The following STXBP5L variants were observed in gnomAD, a reference collection of about 807,000 sequenced individuals.
The protein encoded by STXBP5L is syntaxin binding protein 5L.
Under a neutral mutation model 144.5 loss-of-function variants are expected in STXBP5L, and 65 were observed. The ratio of observed to expected loss-of-function variants is 0.45; its 90% CI spans 0.37 to 0.55. STXBP5L has a LOEUF of 0.55. STXBP5L is among the 20% of genes least tolerant of loss of function. STXBP5L has a pLI of 0.00. For synonymous variants in STXBP5L, 505 were observed against 469.6 expected (o/e 1.08, Z -0.97); for missense variants, 1,298 against 1,405.5 (o/e 0.92, Z 1.22).
intron 14 of STXBP5L, among the ~76,000 whole-genome samples, chr3:121,243,894 C>T (rs776149380): frequency 7.9e-5 from 12 of 152,054 alleles, no homozygotes; most frequent in South Asian, 2.1e-4. Flanking sequence ...TTATTTTTTC[C>T]GAAATAGACT....
At chr3:121,299,381 T>C (rs906448211) in intron 19 of STXBP5L, among the ~76,000 whole-genome samples, 65 of 152,144 alleles carry the variant, frequency 4.3e-4, no homozygotes, top group Non-Finnish European at 1.2e-4. Flanking sequence ...TTTAAACATC[T>C]TTATGGAAGT....
chr3:120,964,513 C>G (rs1255001100), intron 3 of STXBP5L, among the ~76,000 whole-genome samples: 1 of 152,106 alleles, frequency 6.6e-6, no homozygotes, highest in East Asian at 1.9e-4. Flanking sequence ...TTATTTCTGC[C>G]TTCATTTCGT....
At chr3:121,276,438 A>G (rs1444698251) in intron 18 of STXBP5L, among the ~76,000 whole-genome samples, 2 of 151,870 alleles carry the variant, frequency 1.3e-5, no homozygotes, top group South Asian at 4.1e-4. Context: ...CATATTTAAC[A>G]TTTTTGTTGC....
At chr3:121,038,512 C>A (rs566255522) in intron 3 of STXBP5L, among the ~76,000 whole-genome samples, 1 of 151,586 alleles carries the variant, frequency 6.6e-6, no homozygotes, top group Non-Finnish European at 1.5e-5. Context: ...TTTTATAGTT[C>A]GAAATATTTT....
chr3:120,976,957 A>G (rs1941109065), intron 3 of STXBP5L, among the ~76,000 whole-genome samples: 1 of 151,990 alleles, frequency 6.6e-6, no homozygotes, highest in African/African-American at 2.4e-5. Flanking sequence ...GGAGAGCTTT[A>G]CTTCCAACTA....
intron 7 of STXBP5L, among the ~76,000 whole-genome samples, chr3:121,145,333 C>T (rs902501911): frequency 3.3e-5 from 5 of 150,116 alleles, no homozygotes; most frequent in Non-Finnish European, 7.4e-5. Flanking sequence ...TAATTTATAT[C>T]GCTAATAGGT....
chr3:120,992,682 A>G (rs1025864058), intron 3 of STXBP5L, among the ~76,000 whole-genome samples: 2 of 151,808 alleles, frequency 1.3e-5, no homozygotes, highest in African/African-American at 4.8e-5. Flanking sequence ...TATATACCAC[A>G]TTTTTCTTAT....
intron 3 of STXBP5L, among the ~76,000 whole-genome samples, chr3:120,999,062 A>G (rs1943569882): frequency 1.3e-5 from 2 of 152,026 alleles, no homozygotes; most frequent in South Asian, 4.1e-4. Flanking sequence ...TTGTTGTCCT[A>G]TGGTCTGAGT....
chr3:121,340,957 G>A (rs2044687939), intron 20 of STXBP5L, among the ~76,000 whole-genome samples: 1 of 151,948 alleles, frequency 6.6e-6, no homozygotes, highest in Non-Finnish European at 1.5e-5. Context: ...TGGATTATAA[G>A]ATATTATTTG....
At position 121,149,811 on chromosome 3, in the gene STXBP5L, G is replaced by A. The variant is rs935731526; in HGVS notation, c.670-2666G>A. On this transcript the variant is annotated intron_variant, in intron 7 of 26. Coordinates refer to ENST00000471454, the MANE Select transcript of STXBP5L (RefSeq NM_001308330.2). ...CATATACTCGAATAAATAAAAGGTG[G>A]TATCCTTTGCTCTTGAATAAGGTGG... Among the ~76,000 whole-genome samples the A allele has an allele frequency of 5.4e-4, 82 of 152,024 alleles. 1 individual carries two copies. Among genetic ancestry groups the A allele is most frequent in the Non-Finnish European group, 2.1e-4 (14 of 67,928 alleles).
In STXBP5L at chr3:120,915,731, T is replaced by C. The variant is rs138056146; in HGVS notation, c.189+5964T>C. ...GAATAATTGTTCCTAATTTCCTAGG[T>C]AATACTAAACTGTCTTTATAAGGAC... On this transcript the variant is annotated intron_variant, in intron 2 of 26. Coordinates refer to ENST00000471454, the MANE Select transcript of STXBP5L (RefSeq NM_001308330.2). Among the ~76,000 whole-genome samples, 464 of 152,212 alleles carry C rather than the reference T, an allele frequency of 3.0e-3. 5 individuals carry two copies. The highest frequency in any genetic ancestry group is 0.011 in the African/African-American group (447 of 41,562).
At chr3:121,040,785 CT>C (rs1160485244) in intron 3 of STXBP5L, among the ~76,000 whole-genome samples, 1 of 152,038 alleles carries the variant, frequency 6.6e-6, no homozygotes, top group Non-Finnish European at 1.5e-5. Flanking sequence ...TATCATAAGC[CT>C]CGCCTTATAT....
At chr3:121,309,891 A>G (rs897458343) in intron 19 of STXBP5L, among the ~76,000 whole-genome samples, 2 of 152,258 alleles carry the variant, frequency 1.3e-5, no homozygotes, top group African/African-American at 2.4e-5. Flanking sequence ...GAAAAGAAGA[A>G]CAAAATTGGA....
intron 18 of STXBP5L, among the ~76,000 whole-genome samples, chr3:121,271,321 A>G (rs2050729064): frequency 6.6e-6 from 1 of 152,194 alleles, no homozygotes; most frequent in Non-Finnish European, 1.5e-5. Context: ...AACCCCATCA[A>G]AATGGCTTCT....
At chr3:121,071,788 C>T (rs1034515900) in intron 5 of STXBP5L, among the ~76,000 whole-genome samples, 2 of 152,168 alleles carry the variant, frequency 1.3e-5, no homozygotes, top group African/African-American at 4.8e-5. Flanking sequence ...CATTTGCCTT[C>T]TTAAGGTTAA....
rs76276771 is a variant in STXBP5L, at chr3:120,931,096, C to CTT, written c.189+21343_189+21344dup. The stretch of plus-strand genomic sequence containing the variant: ...GTAGTTAAACAAAGTTGGGTTTTCT[C>CTT]TTTTTTTTTTTTTTTAGAATAAGGG... On this transcript the variant is annotated intron_variant, in intron 2 of 26. Transcript: ENST00000471454. 2.2e-5 allele frequency among the ~76,000 whole-genome samples: 3 copies of CTT among 136,232 alleles called. No homozygotes were observed. In the South Asian group the frequency reaches 7.2e-4, roughly 33 times the overall value. 89.4% of individuals were successfully genotyped at this position (136,232 alleles called of 152,430 possible). A position where few individuals can be genotyped will look rare whatever the true frequency, so the allele number is the denominator to read the frequency against.
intron 8 of STXBP5L, among the ~76,000 whole-genome samples, chr3:121,152,767 G>A (rs934184053): frequency 4.0e-5 from 6 of 151,790 alleles, no homozygotes; most frequent in Admixed American, 2.0e-4. Flanking sequence ...TGCCTATTTC[G>A]GGGCCCTCTT....
At chr3:121,077,111 G>T (rs1030666593) in intron 5 of STXBP5L, among the ~76,000 whole-genome samples, 2 of 152,126 alleles carry the variant, frequency 1.3e-5, no homozygotes, top group African/African-American at 4.8e-5. Flanking sequence ...CACTTCCTCT[G>T]TCCCTGAAAC....
intron 9 of STXBP5L, among the ~76,000 whole-genome samples, chr3:121,193,656 G>C (rs2108178476): frequency 6.6e-6 from 1 of 152,282 alleles, no homozygotes; most frequent in East Asian, 1.9e-4. Flanking sequence ...AAAAGGATGA[G>C]TCCATTTTCC....
Sources: gnomAD v4.1 joint callset for allele counts (sites outside exome capture counted in the v4.1 genomes callset) on GRCh38, gnomAD v4.1.1 for gene constraint, MANE v1.5 for transcripts, NCBI Gene and HGNC (gene_info 2026-07-23, HGNC 2026-07-21) for gene names.